SYTL3: variants seen among roughly 807,000 people sequenced by gnomAD.
SYTL3 encodes the protein synaptotagmin-like protein 3.
SYTL3 carries 88 observed loss-of-function variants against 82.1 expected under a neutral mutation model. That is an observed-to-expected ratio of 1.07 (90% CI 0.90 to 1.28). The LOEUF (loss-of-function observed/expected upper bound fraction) is 1.28. Ranked by LOEUF, SYTL3 falls within the 50% of genes most tolerant of loss-of-function variation. The probability of loss-of-function intolerance (pLI) is 0.00; values close to 1 mark genes in which losing one functional copy is unlikely to be tolerated. For missense variants in SYTL3, 831 were observed against 757.6 expected (o/e 1.10, Z -1.14); for synonymous variants, 311 against 289.4 (o/e 1.07, Z -0.76).
intron 6 of SYTL3, among the ~76,000 whole-genome samples, chr6:158,701,058 G>T (rs933109431): frequency 1.3e-5 from 2 of 152,196 alleles, no homozygotes; most frequent in Non-Finnish European, 2.9e-5. Flanking sequence ...AGGAGTTTTA[G>T]TGCAGGCGTG....
chr6:158,740,211 G>A (rs1786758352), intron 11 of SYTL3, among the ~76,000 whole-genome samples: 1 of 151,876 alleles, frequency 6.6e-6, no homozygotes, highest in Non-Finnish European at 1.5e-5. Context: ...GGCCAGGCTG[G>A]TCTCAAATTC....
chr6:158,645,718 G>GTCT (rs1463835709), upstream of SYTL3, among the ~76,000 whole-genome samples: 2 of 152,078 alleles, frequency 1.3e-5, no homozygotes, highest in Non-Finnish European at 2.9e-5. Flanking sequence ...GTCTATCAGG[G>GTCT]TCTTATTAGA....
intron 2 of SYTL3, among the ~76,000 whole-genome samples, chr6:158,659,943 G>A (rs1789158050): frequency 6.6e-6 from 1 of 152,084 alleles, no homozygotes; most frequent in Non-Finnish European, 1.5e-5. Context: ...ATGTAGAATA[G>A]GGTATAAATG....
chr6:158,718,055 C>T, intron 9 of SYTL3, 32 bp from the exon 10 acceptor site: 1 of 1,483,638 alleles, frequency 6.7e-7, no homozygotes, highest in East Asian at 2.6e-5. Flanking sequence ...GCTGCTTGTT[C>T]CCACCCATCA....
At chr6:158,678,733 G>T (rs1278425546) in intron 5 of SYTL3, among the ~76,000 whole-genome samples, 9 of 152,150 alleles carry the variant, frequency 5.9e-5, no homozygotes, top group South Asian at 2.1e-4. Flanking sequence ...TAATGTGAAG[G>T]TCAGTCATGG....
In SYTL3 at chr6:158,749,410, A is replaced by AG. The variant is rs1491526058; in HGVS notation, c.1035-2517dup. On this transcript the variant is annotated intron_variant, in intron 12 of 17. Coordinates refer to ENST00000611299, the MANE Select transcript of SYTL3 (RefSeq NM_001242394.2). ...TGTCTGAAAAAAAAAAAAAAAAAAA[A>AG]GAAAGAAAAAAATATATAATAAGGG... Among the ~76,000 whole-genome samples, 369 of 100,024 alleles carry AG rather than the reference A, an allele frequency of 3.7e-3. 1 individual carries two copies. The highest frequency in any genetic ancestry group is 0.012 in the African/African-American group (352 of 30,492). 65.6% of individuals were successfully genotyped at this position (100,024 alleles called of 152,430 possible). A position where few individuals can be genotyped will look rare whatever the true frequency, so the allele number is the denominator to read the frequency against.
upstream of SYTL3, among the ~76,000 whole-genome samples, chr6:158,649,444 CA>C (rs1185910624): frequency 3.3e-5 from 5 of 152,332 alleles, no homozygotes; most frequent in African/African-American, 1.2e-4. Flanking sequence ...CGGTAGGTGC[CA>C]AGCCTACGTG....
chr6:158,675,714 A>C (rs1030874489), intron 5 of SYTL3, among the ~76,000 whole-genome samples: 1 of 152,088 alleles, frequency 6.6e-6, no homozygotes, highest in Non-Finnish European at 1.5e-5. Context: ...TTGGGAGGCC[A>C]AGATGGGCGG....
rs1030459686 is a variant in SYTL3 at position 158,710,022 on chromosome 6, G to A, written c.516+1631G>A. 2.6e-5 allele frequency among the ~76,000 whole-genome samples: 4 copies of A among 152,126 alleles called. No homozygotes were observed. The South Asian group carries it at 8.3e-4, about 32-fold the overall frequency. Reference sequence around the variant, plus strand: ...TGCGTTCCAGCCTGGGCAACAGAGCGCGACTGTCTCTAAACAAACAAACTA... The same window carrying A: ...TGCGTTCCAGCCTGGGCAACAGAGCACGACTGTCTCTAAACAAACAAACTA... On this transcript the variant is annotated intron_variant, in intron 8 of 17. Transcript: ENST00000611299.
At chr6:158,731,373 C>T (rs892425277) in intron 11 of SYTL3, among the ~76,000 whole-genome samples, 4 of 151,814 alleles carry the variant, frequency 2.6e-5, no homozygotes, top group African/African-American at 4.8e-5. Context: ...CTGGGGACCA[C>T]GTCCTCATCA....
upstream of SYTL3, among the ~76,000 whole-genome samples, chr6:158,646,115 A>G (rs1211174752): frequency 1.3e-5 from 2 of 152,222 alleles, no homozygotes; most frequent in African/African-American, 2.4e-5. Flanking sequence ...TAATAGCTAC[A>G]CAATTAACAT....
intron 14 of SYTL3, among the ~76,000 whole-genome samples, chr6:158,758,307 G>A (rs993765685): frequency 6.6e-6 from 1 of 152,118 alleles, no homozygotes; most frequent in Admixed American, 6.5e-5. Flanking sequence ...GTGTGGTGGT[G>A]CACGCCTGTA....
At chr6:158,725,377 T>G in intron 10 of SYTL3, 126 bp from the exon 11 acceptor site, 1 of 993,526 alleles carries the variant, frequency 1.0e-6, no homozygotes, top group Non-Finnish European at 1.5e-6. Context: ...TGCAGGTGTG[T>G]CCTCCTACTC....
chr6:158,671,047 G>A (rs910804255), intron 5 of SYTL3, among the ~76,000 whole-genome samples: 8 of 151,694 alleles, frequency 5.3e-5, no homozygotes, highest in Non-Finnish European at 1.2e-4. Context: ...CTAGTGTTCC[G>A]CCCGCCTCAG....
chr6:158,749,103 T>C (rs1257137039), intron 12 of SYTL3, among the ~76,000 whole-genome samples: 3 of 151,926 alleles, frequency 2.0e-5, no homozygotes, highest in African/African-American at 4.8e-5. Flanking sequence ...CATGTGCCTG[T>C]AATCCCAGCT....
intron 6 of SYTL3, among the ~76,000 whole-genome samples, chr6:158,683,594 C>T (rs1419971314): frequency 6.6e-6 from 1 of 152,222 alleles, no homozygotes; most frequent in Non-Finnish European, 1.5e-5. Context: ...GATGTCCCCT[C>T]CTCTGAAACA....
In SYTL3 at chr6:158,685,259, G is replaced by A. The variant is rs986396268; in HGVS notation, c.394+2270G>A. On this transcript the variant is annotated intron_variant, in intron 6 of 17. Transcript: ENST00000611299. ...GATGGAGTCTCGTTCTGTCATCCAG[G>A]CTGGAGTGCAGTAGCATGATCTCAG... 2.0e-5 allele frequency among the ~76,000 whole-genome samples: 3 copies of A among 148,800 alleles called. No homozygotes were observed. The East Asian group carries it at 5.9e-4, about 29-fold the overall frequency.
At chr6:158,743,721 C>T (rs1331239133) in intron 11 of SYTL3, among the ~76,000 whole-genome samples, 2 of 146,438 alleles carry the variant, frequency 1.4e-5, no homozygotes, top group African/African-American at 2.5e-5. Flanking sequence ...GCTGGGATTA[C>T]AGGCATGAGC....
chr6:158,655,301 G>A (rs1189800485), intron 2 of SYTL3, among the ~76,000 whole-genome samples: 1 of 152,092 alleles, frequency 6.6e-6, no homozygotes, highest in Admixed American at 6.6e-5. Context: ...TGCTGTACTT[G>A]AATATGGGCT....
Sources: allele counts gnomAD v4.1 joint callset (sites outside exome capture counted in the v4.1 genomes callset), GRCh38; gene constraint gnomAD v4.1.1; transcripts MANE v1.5; gene names NCBI Gene and HGNC (gene_info 2026-07-23, HGNC 2026-07-21).